Variants in NCAM1 observed in about 807,000 individuals in gnomAD.
NCAM1 encodes the protein neural cell adhesion molecule 1, also known as antigen recognized by monoclonal antibody 5.1H11.
A neutral mutation model predicts 109.8 loss-of-function variants in NCAM1; 14 were observed. The ratio of observed to expected loss-of-function variants is 0.13; its 90% CI spans 0.08 to 0.20. The LOEUF (loss-of-function observed/expected upper bound fraction) is 0.20, where lower values mean the gene tolerates loss of function less well. NCAM1 is among the 10% of genes least tolerant of loss of function. The probability of loss-of-function intolerance (pLI) is 1.00; values close to 1 mark genes in which losing one functional copy is unlikely to be tolerated. For synonymous variants in NCAM1, 418 were observed against 442.9 expected (o/e 0.94, Z 0.70); for missense variants, 774 against 1,109.9 (o/e 0.70, Z 4.30).
intron 1 of NCAM1, among the ~76,000 whole-genome samples, chr11:113,019,154 G>A (rs576896375): frequency 1.3e-5 from 2 of 152,080 alleles, no homozygotes; most frequent in Admixed American, 1.3e-4. Flanking sequence ...ACACCTCTGC[G>A]CCATTCGATA....
chr11:113,274,695 C>T lies in NCAM1; in HGVS notation c.2457-572C>T, dbSNP rs1334076161. On this transcript the variant is annotated intron_variant, in intron 19 of 19. Transcript: ENST00000316851. The surrounding 1 kb of genome is among the most constrained non-coding windows in gnomAD (Gnocchi z 4.1). The stretch of plus-strand genomic sequence containing the variant: ...TACCCCACCAGGCTGCCATGAAAAG[C>T]TGCCTCCATCAGTGTTTTCTCACCC... 6.6e-6 allele frequency among the ~76,000 whole-genome samples: 1 copy of T among 152,214 alleles called. No homozygotes were observed. The highest frequency in any genetic ancestry group is 2.4e-5 in the African/African-American group (1 of 41,458).
chr11:113,177,298 A>G (rs1555107204), intron 1 of NCAM1, among the ~76,000 whole-genome samples: 2 of 152,228 alleles, frequency 1.3e-5, no homozygotes, highest in East Asian at 3.9e-4. Flanking sequence ...TTCCCCAATC[A>G]TGCTAGGATG....
rs968109145 is a variant in NCAM1 at position 113,268,416 on chromosome 11, C to T, written c.2132-1772C>T. On this transcript the variant is annotated intron_variant, in intron 17 of 19. Coordinates refer to ENST00000316851, the MANE Select transcript of NCAM1 (RefSeq NM_181351.5). ...GGGGAATGCGCTAGGATCTTCAGTG[C>T]GAGGTCAGCAGGGACCAGCCAGAGA... Among the ~76,000 whole-genome samples the T allele has an allele frequency of 9.9e-5, 15 of 152,104 alleles. 1 individual carries two copies. Among genetic ancestry groups the T allele is most frequent in the South Asian group, 4.1e-4 (2 of 4,826 alleles).
At chr11:113,204,861 G>A (rs1225005337) in intron 3 of NCAM1, among the ~76,000 whole-genome samples, 2 of 152,160 alleles carry the variant, frequency 1.3e-5, no homozygotes, top group Admixed American at 1.3e-4. Flanking sequence ...AGGGCTCAGT[G>A]GGGTGGGGGA....
chr11:113,259,444 A>T (rs1591467214), intron 16 of NCAM1, among the ~76,000 whole-genome samples: 1 of 152,218 alleles, frequency 6.6e-6, no homozygotes, highest in African/African-American at 2.4e-5. Flanking sequence ...ATCCTGAAAT[A>T]TGACAAGAAA....
At chr11:113,240,635 C>A in intron 14 of NCAM1, 1 of 732,454 alleles carries the variant, frequency 1.4e-6, no homozygotes, top group Non-Finnish European at 2.4e-6. Context: ...GTGCCCTGGC[C>A]AGCTGTTCAC....
At position 113,090,473 on chromosome 11, in the gene NCAM1, G is replaced by T. The variant is rs550307691; in HGVS notation, c.53-111906G>T. Among the ~76,000 whole-genome samples the T allele has an allele frequency of 6.6e-5, 10 of 152,278 alleles. No individual in the cohort carries two copies. In the South Asian group the frequency reaches 2.1e-3, roughly 32 times the overall value. ...AGTGAAATGCAATGAATGAACTCTT[G>T]AACTTGTAGGGGATATATGCAACAT... On this transcript the variant is annotated intron_variant, in intron 1 of 19. Transcript: ENST00000316851.
chr11:113,208,094 T>C, intron 7 of NCAM1, 92 bp downstream of exon 7: 3 of 1,397,796 alleles, frequency 2.1e-6, no homozygotes, highest in Non-Finnish European at 2.9e-6. Context: ...CCACTGTCCC[T>C]CAGAACATAA....
At chr11:113,012,799 A>G (rs1952104359) in intron 1 of NCAM1, among the ~76,000 whole-genome samples, 1 of 152,274 alleles carries the variant, frequency 6.6e-6, no homozygotes, top group Non-Finnish European at 1.5e-5. Flanking sequence ...CAACGATCCT[A>G]TTTCCAAATA....
At chr11:113,222,908 C>T (rs1944728519) in intron 9 of NCAM1, among the ~76,000 whole-genome samples, 1 of 152,128 alleles carries the variant, frequency 6.6e-6, no homozygotes, top group South Asian at 2.1e-4. Context: ...TCAGAAGTTC[C>T]ATTCTCTCCT....
chr11:113,190,431 G>T (rs1943641923), intron 1 of NCAM1, among the ~76,000 whole-genome samples: 1 of 152,200 alleles, frequency 6.6e-6, no homozygotes, highest in South Asian at 2.1e-4. Context: ...ACTCACAGAA[G>T]AAGAATGTAT....
intron 1 of NCAM1, among the ~76,000 whole-genome samples, chr11:113,060,999 C>T (rs935788739): frequency 2.0e-5 from 3 of 152,082 alleles, no homozygotes; most frequent in African/African-American, 7.2e-5. Flanking sequence ...GCCCTATGCT[C>T]TGTAACGAAT....
chr11:113,011,212 G>A lies in NCAM1; in HGVS notation c.52+49548G>A, dbSNP rs554707578. ...CCACCAATGAGTGAGAATATGCGGT[G>A]TTTGGTTTTTTGTTCTTGCGATAGT... On this transcript the variant is annotated intron_variant, in intron 1 of 19. Transcript: ENST00000316851. Among the ~76,000 whole-genome samples the A allele has an allele frequency of 1.3e-4, 19 of 144,024 alleles. No individual in the cohort carries two copies. In the South Asian group the frequency reaches 4.1e-3, roughly 31 times the overall value. The allele number at this position is 144,024 out of a possible 152,430, so 94.5% of individuals were successfully genotyped here.
chr11:113,011,339 C>T (rs7928129), intron 1 of NCAM1, among the ~76,000 whole-genome samples: 66,792 of 149,160 alleles, frequency 0.45, 15,763 homozygotes, highest in East Asian at 0.8. Flanking sequence ...ATATGTGCCA[C>T]ATTTTCTTAA....
intron 5 of NCAM1, among the ~76,000 whole-genome samples, chr11:113,207,035 C>T (rs1159487600): frequency 6.6e-6 from 1 of 152,182 alleles, no homozygotes; most frequent in Non-Finnish European, 1.5e-5. Flanking sequence ...ACTATAGCTT[C>T]TCAATTAATG....
intron 1 of NCAM1, among the ~76,000 whole-genome samples, chr11:113,089,483 T>G (rs1555088966): frequency 6.6e-6 from 1 of 152,110 alleles, no homozygotes; most frequent in Admixed American, 6.5e-5. Flanking sequence ...CTTTTCTTTA[T>G]CGAGGTCTTG....
At chr11:113,061,651 G>A (rs976412835) in intron 1 of NCAM1, among the ~76,000 whole-genome samples, 49 of 152,308 alleles carry the variant, frequency 3.2e-4, no homozygotes, top group African/African-American at 1.2e-3. Flanking sequence ...GGACAAATAC[G>A]TGGAACTCAC....
chr11:113,093,847 C>G (rs1939474201), intron 1 of NCAM1, among the ~76,000 whole-genome samples: 1 of 152,174 alleles, frequency 6.6e-6, no homozygotes, highest in African/African-American at 2.4e-5. Flanking sequence ...GCCTCCCATC[C>G]CTGTGGGCCA....
At chr11:113,172,715 C>T (rs868970417) in intron 1 of NCAM1, among the ~76,000 whole-genome samples, 1 of 152,106 alleles carries the variant, frequency 6.6e-6, no homozygotes, top group Non-Finnish European at 1.5e-5. Flanking sequence ...AGCTGTTTTA[C>T]CATGAAAAGT....
Sources: gnomAD v4.1 joint callset for allele counts (sites outside exome capture counted in the v4.1 genomes callset) on GRCh38, gnomAD v4.1.1 for gene constraint, Gnocchi (gnomAD v3.1) non-coding constraint, MANE v1.5 for transcripts, NCBI Gene and HGNC (gene_info 2026-07-23, HGNC 2026-07-21) for gene names.